The following KIAA0040 variants were observed in gnomAD, a reference collection of about 807,000 sequenced individuals.
The protein encoded by KIAA0040 is KIAA0040.
In KIAA0040, 10 loss-of-function variants were observed where a neutral mutation model predicts 7.2. The ratio of observed to expected loss-of-function variants is 1.38; its 90% CI spans 0.85 to 2.34. The LOEUF is 2.34. Ranked by LOEUF, KIAA0040 falls within the 30% of genes most tolerant of loss-of-function variation. The pLI is 0.00. For synonymous variants in KIAA0040, 49 were observed against 40.1 expected (o/e 1.22, Z -0.84); for missense variants, 89 against 108.2 (o/e 0.82, Z 0.79).
chr1:175,176,970 C>A (rs1016373109), intron 2 of KIAA0040, among the ~76,000 whole-genome samples: 1 of 152,134 alleles, frequency 6.6e-6, no homozygotes, highest in Non-Finnish European at 1.5e-5. Flanking sequence ...ATTCACCCCC[C>A]TCGACACAGG....
chr1:175,187,609 C>T (rs901970380), intron 1 of KIAA0040, among the ~76,000 whole-genome samples: 3 of 152,124 alleles, frequency 2.0e-5, no homozygotes, highest in Admixed American at 2.0e-4. Flanking sequence ...TTTATGGTGG[C>T]CACTGTCACA....
intron 1 of KIAA0040, among the ~76,000 whole-genome samples, chr1:175,186,328 T>A (rs79198629): frequency 6.6e-6 from 1 of 152,272 alleles, no homozygotes; most frequent in African/African-American, 2.4e-5. Context: ...GTGATCTCTT[T>A]ACTGTGTATT....
intron 3 of KIAA0040, among the ~76,000 whole-genome samples, chr1:175,163,942 C>T (rs1489221209): frequency 1.3e-5 from 2 of 152,054 alleles, no homozygotes; most frequent in South Asian, 2.1e-4. Flanking sequence ...CTTGAAGATG[C>T]GTAGTATTTT....
chr1:175,170,163 G>A (rs1202230896), intron 2 of KIAA0040, among the ~76,000 whole-genome samples: 1 of 152,140 alleles, frequency 6.6e-6, no homozygotes, highest in Non-Finnish European at 1.5e-5. Flanking sequence ...TTAAGGGTGA[G>A]GGCTCTGAAG....
chr1:175,164,644 C>T (rs964665449), intron 3 of KIAA0040, among the ~76,000 whole-genome samples: 1 of 152,136 alleles, frequency 6.6e-6, no homozygotes, highest in Non-Finnish European at 1.5e-5. Flanking sequence ...GAGGCTGCTC[C>T]CCATACAGCC....
intron 1 of KIAA0040, among the ~76,000 whole-genome samples, chr1:175,180,388 G>T (rs1214070983): frequency 1.3e-5 from 2 of 152,134 alleles, no homozygotes; most frequent in Non-Finnish European, 1.5e-5. Context: ...CTCATCTAAG[G>T]TCTCATACCT....
chr1:175,190,479 C>T (rs1677826863), intron 1 of KIAA0040, among the ~76,000 whole-genome samples: 1 of 152,210 alleles, frequency 6.6e-6, no homozygotes, highest in Admixed American at 6.5e-5. Flanking sequence ...AAGTGTTCAT[C>T]ACTGCCTTCT....
At chr1:175,180,194 C>G (rs1470736868) in intron 1 of KIAA0040, among the ~76,000 whole-genome samples, 6 of 152,186 alleles carry the variant, frequency 3.9e-5, no homozygotes, top group African/African-American at 1.4e-4. Context: ...ACATTGTCAC[C>G]ACAACCCATA....
intron 3 of KIAA0040, among the ~76,000 whole-genome samples, chr1:175,162,130 G>T (rs1341291342): frequency 6.6e-6 from 1 of 152,130 alleles, no homozygotes; most frequent in Admixed American, 6.5e-5. Context: ...CAGCTCTCAA[G>T]TATAAGGTCT....
intron 2 of KIAA0040, among the ~76,000 whole-genome samples, chr1:175,176,658 T>C (rs1677201429): frequency 7.5e-6 from 1 of 133,104 alleles, no homozygotes; most frequent in Admixed American, 8.8e-5. Flanking sequence ...AGTGTCAGGT[T>C]AAGTAGCATG....
chr1:175,170,723 C>T (rs1676957779), intron 2 of KIAA0040, among the ~76,000 whole-genome samples: 2 of 152,132 alleles, frequency 1.3e-5, no homozygotes, highest in Admixed American at 1.3e-4. Context: ...ATGGCCAGGC[C>T]TTTGCTGTCT....
intron 2 of KIAA0040, among the ~76,000 whole-genome samples, chr1:175,168,320 A>G (rs1203252505): frequency 6.6e-6 from 1 of 152,218 alleles, no homozygotes; most frequent in Non-Finnish European, 1.5e-5. Context: ...TGAAATAGGT[A>G]TCTACATTTT....
At chr1:175,188,940 G>A (rs1677767324) in intron 1 of KIAA0040, among the ~76,000 whole-genome samples, 1 of 152,184 alleles carries the variant, frequency 6.6e-6, no homozygotes, top group African/African-American at 2.4e-5. Context: ...TAGAGACCCT[G>A]GATAGTATTG....
intron 2 of KIAA0040, among the ~76,000 whole-genome samples, chr1:175,172,393 C>A (rs1677026255): frequency 6.6e-6 from 1 of 152,146 alleles, no homozygotes; most frequent in Non-Finnish European, 1.5e-5. Context: ...GGCAACATAG[C>A]AAGATCCTAT....
At chr1:175,175,679 T>C (rs912872911) in intron 2 of KIAA0040, among the ~76,000 whole-genome samples, 29 of 152,312 alleles carry the variant, frequency 1.9e-4, no homozygotes, top group African/African-American at 6.7e-4. Flanking sequence ...ATATATACCA[T>C]GGAATACTAT....
Position 175,161,116 on chromosome 1 carries a change from G to T in KIAA0040, c.-103C>A. The T allele has an allele frequency of 2.5e-6, 3 of 1,186,030 alleles. No individual in the cohort carries two copies. Among genetic ancestry groups the T allele is most frequent in the Non-Finnish European group, 3.5e-6 (3 of 857,814 alleles). The allele number at this position is 1,186,030 out of a possible 1,614,324, so 73.5% of individuals were successfully genotyped here. On this transcript the variant is annotated 5_prime_UTR_variant, in exon 4 of 4. In the 5' UTR this introduces an upstream ATG that the reference lacks. Coordinates refer to ENST00000423313, the MANE Select transcript of KIAA0040 (RefSeq NM_014656.3). Reference sequence around the variant, plus strand: ...CCACTTGTAATTTATTCCTCTTCCAGCTTTGGGTTTGGGCATGCCACTGGC... The same window carrying T: ...CCACTTGTAATTTATTCCTCTTCCATCTTTGGGTTTGGGCATGCCACTGGC...
At chr1:175,174,028 G>A (rs953489802) in intron 2 of KIAA0040, among the ~76,000 whole-genome samples, 4 of 132,252 alleles carry the variant, frequency 3.0e-5, no homozygotes, top group Non-Finnish European at 5.0e-5. Context: ...CCCATTCCCC[G>A]ACCCCACACC....
At chr1:175,162,521 C>T (rs1020110075) in intron 3 of KIAA0040, among the ~76,000 whole-genome samples, 5 of 152,086 alleles carry the variant, frequency 3.3e-5, no homozygotes, top group Non-Finnish European at 7.4e-5. Flanking sequence ...TCACTTCATA[C>T]TTTTCTAATC....
At chr1:175,165,475 C>T (rs1676722481) in intron 3 of KIAA0040, among the ~76,000 whole-genome samples, 1 of 152,208 alleles carries the variant, frequency 6.6e-6, no homozygotes, top group African/African-American at 2.4e-5. Context: ...TCCTCACCTC[C>T]AAGCCAATCC....
Sources: gnomAD v4.1 joint callset for allele counts (sites outside exome capture counted in the v4.1 genomes callset) on GRCh38, gnomAD v4.1.1 for gene constraint, MANE v1.5 for transcripts, NCBI Gene and HGNC (gene_info 2026-07-23, HGNC 2026-07-21) for gene names.